ZNF248: variants seen among roughly 807,000 people sequenced by gnomAD.
ZNF248 encodes KRAB protein domain.
Under a neutral mutation model 44.3 loss-of-function variants are expected in ZNF248, and 20 were observed. The ratio of observed to expected loss-of-function variants is 0.45; its 90% confidence interval spans 0.32 to 0.66. The LOEUF is 0.66. Among genes scored for constraint, ZNF248 ranks in the 30% least tolerant of loss-of-function variants. The pLI is 0.04. For synonymous variants in ZNF248, 224 were observed against 229.0 expected (o/e 0.98, Z 0.20); for missense variants, 654 against 677.0 (o/e 0.97, Z 0.38).
At chr10:37,773,038 GGAGTTT>G (rs1293724460), downstream of ZNF248, among the ~76,000 whole-genome samples, 32 of 152,186 alleles carry the variant, frequency 2.1e-4, no homozygotes, top group African/African-American at 7.2e-4. Context: ...CTTGAGGTCA[GGAGTTT>G]GAGACCAGCC....
chr10:37,842,964 T>C (rs920055059), intron 3 of ZNF248, among the ~76,000 whole-genome samples: 1 of 152,144 alleles, frequency 6.6e-6, no homozygotes, highest in Non-Finnish European at 1.5e-5. Context: ...TAAAGCAAGG[T>C]TGTAAACAGC....
At chr10:37,815,065 T>A (rs1187888797) in intron 6 of ZNF248, among the ~76,000 whole-genome samples, 1 of 152,202 alleles carries the variant, frequency 6.6e-6, no homozygotes, top group African/African-American at 2.4e-5. Flanking sequence ...TTCTTCATTT[T>A]TTTTTCAGAC....
chr10:37,836,455 G>A (rs1050105236), intron 5 of ZNF248, among the ~76,000 whole-genome samples: 9 of 152,220 alleles, frequency 5.9e-5, no homozygotes, highest in Middle Eastern at 3.4e-3. Flanking sequence ...CAACCACAGT[G>A]ATTTCCCTGA....
At chr10:37,798,010 A>G (rs980373086) in intron 6 of ZNF248, among the ~76,000 whole-genome samples, 1 of 152,156 alleles carries the variant, frequency 6.6e-6, no homozygotes, top group African/African-American at 2.4e-5. Context: ...GTATACACAA[A>G]CGCACAGCAG....
chr10:37,772,373 G>C (rs1042442386), downstream of ZNF248, among the ~76,000 whole-genome samples: 18 of 152,098 alleles, frequency 1.2e-4, no homozygotes, highest in African/African-American at 4.1e-4. Context: ...GTGTGTGTCT[G>C]TGTGTGTTAC....
At chr10:37,780,981 C>T (rs1191004093) in intron 6 of ZNF248, among the ~76,000 whole-genome samples, 1 of 151,188 alleles carries the variant, frequency 6.6e-6, no homozygotes, top group African/African-American at 2.5e-5. Context: ...GTGCGGGACA[C>T]GTTTTTGTTC....
intron 6 of ZNF248, among the ~76,000 whole-genome samples, chr10:37,813,776 C>T (rs899289200): frequency 2.6e-5 from 4 of 152,130 alleles, no homozygotes; most frequent in African/African-American, 9.7e-5. Context: ...GTGTGTGTTT[C>T]TGTGTTGGGG....
rs537386827 is a variant in ZNF248, at chr10:37,819,611, C to T, written c.330+13414G>A. 1.9e-5 allele frequency: 16 copies of T among 838,688 alleles called. 1 individual carries two copies. Among genetic ancestry groups the T allele is most frequent in the South Asian group, 4.0e-5 (3 of 75,372 alleles). 52.0% of individuals were successfully genotyped at this position (838,688 alleles called of 1,614,324 possible). A position where few individuals can be genotyped will look rare whatever the true frequency, so the allele number is the denominator to read the frequency against. On this transcript the variant is annotated intron_variant, in intron 6 of 6. Transcript: ENST00000615949. ...ATGTATCCTTTTTAGTTCCCCGATA[C>T]GTAGATTTCTAACCCTTTCTAGCCT...
chr10:37,821,815 C>T (rs544723782), intron 6 of ZNF248, among the ~76,000 whole-genome samples: 1 of 152,310 alleles, frequency 6.6e-6, no homozygotes, highest in Admixed American at 6.5e-5. Context: ...ATCCCATCTA[C>T]TATAAGCTAA....
chr10:37,769,299 G>A, the ZNF248 span, among the ~76,000 whole-genome samples: 1 of 152,112 alleles, frequency 6.6e-6, no homozygotes, highest in Admixed American at 6.5e-5. Context: ...TGATACCAAA[G>A]CCGAGCAGAA....
chr10:37,851,858 C>A (rs1208660), intron 3 of ZNF248, among the ~76,000 whole-genome samples: 1 of 148,704 alleles, frequency 6.7e-6, no homozygotes, highest in African/African-American at 2.5e-5. Flanking sequence ...CAGTGGCTAG[C>A]GGAAATATAA....
intron 6 of ZNF248, among the ~76,000 whole-genome samples, chr10:37,796,609 T>C (rs1050472572): frequency 2.6e-5 from 4 of 152,136 alleles, no homozygotes; most frequent in African/African-American, 9.7e-5. Flanking sequence ...AGTGCTGATA[T>C]AGTCATCTTA....
Position 37,838,286 on chromosome 10 carries a change from T to C in ZNF248, c.16-175A>G, listed in dbSNP as rs138930975. Among the ~76,000 whole-genome samples, 395 of 152,342 alleles carry C rather than the reference T, an allele frequency of 2.6e-3. 1 individual carries two copies. Among genetic ancestry groups the C allele is most frequent in the African/African-American group, 8.8e-3 (368 of 41,584 alleles). On this transcript the variant is annotated intron_variant, in intron 3 of 5. Transcript: ENST00000395867. ...ATAAATTGAGTTTCTACTAAGGGTC[T>C]GGAATTGTGCTAGCTGCTGCAAATC...
chr10:37,830,931 T>G lies in ZNF248; in HGVS notation c.*684A>C, dbSNP rs376121608. ...TTAAATAATGACTGCTTTTAATAAC[T>G]GGCTCACAAAATTCCTTAAAATTTA... On this transcript the variant is annotated 3_prime_UTR_variant, in exon 6 of 6. Coordinates refer to ENST00000395867, the MANE Select transcript of ZNF248 (RefSeq NM_021045.3). 1.3e-5 allele frequency: 4 copies of G among 308,488 alleles called. No individual in the cohort carries two copies. The East Asian group carries it at 5.1e-4, about 39-fold the overall frequency. 19.1% of individuals were successfully genotyped at this position (308,488 alleles called of 1,614,324 possible).
intron 6 of ZNF248, among the ~76,000 whole-genome samples, chr10:37,822,908 C>A (rs1148279): frequency 0.06 from 9,123 of 152,100 alleles, 354 homozygotes; most frequent in Middle Eastern, 0.095. Flanking sequence ...CTAAAAAATA[C>A]CTAGAATTAA....
intron 3 of ZNF248, among the ~76,000 whole-genome samples, chr10:37,844,195 T>C (rs1466569296): frequency 2.0e-5 from 3 of 152,166 alleles, no homozygotes; most frequent in Non-Finnish European, 4.4e-5. Flanking sequence ...TGGGATGGCA[T>C]CTTTAAAGTG....
intron 6 of ZNF248, among the ~76,000 whole-genome samples, chr10:37,779,648 G>T (rs919046970): frequency 7.2e-5 from 11 of 151,952 alleles, no homozygotes; most frequent in East Asian, 1.9e-4. Flanking sequence ...CAACATAGTG[G>T]TGGAAGTTCT....
chr10:37,832,707 A>C lies in ZNF248; in HGVS notation c.648T>G (p.Tyr216Ter), dbSNP rs2056131972. Reference protein sequence around the residue: ...SQPSFGQSFEYSKNGQGFHDE... With the variant: ...SQPSFGQSFE ...CATGGAAGCCTTGTCCATTTTTACT[A>C]TACTCAAAAGATTGGCCAAAACTTG... is the stretch of plus-strand genomic sequence containing the variant. The change falls in exon 6 of 6, where the codon TAT (tyrosine) becomes TAG (stop). Residue 216 changes from tyrosine (Y) to a stop codon, truncating the protein, a stop_gained. Coordinates refer to ENST00000395867, the MANE Select transcript of ZNF248 (RefSeq NM_021045.3). LOFTEE classifies it high-confidence loss of function. 5 of 1,613,572 alleles carry C rather than the reference A, an allele frequency of 3.1e-6. No homozygotes were observed. Among genetic ancestry groups the C allele is most frequent in the Non-Finnish European group, 4.2e-6 (5 of 1,179,896 alleles).
intron 3 of ZNF248, among the ~76,000 whole-genome samples, chr10:37,842,206 TATA>T (rs1193166735): frequency 1.3e-5 from 2 of 152,106 alleles, no homozygotes; most frequent in African/African-American, 2.4e-5. Flanking sequence ...AGAAAGTTTA[TATA>T]ATAAGAAAGA....
Sources: gnomAD v4.1 joint callset for allele counts (sites outside exome capture counted in the v4.1 genomes callset) on GRCh38, gnomAD v4.1.1 for gene constraint, MANE v1.5 for transcripts, NCBI Gene and HGNC (gene_info 2026-07-23, HGNC 2026-07-21) for gene names.